ZNF592: variants seen among roughly 807,000 people sequenced by gnomAD.
The protein encoded by ZNF592 is zinc finger protein 592.
ZNF592 carries 11 observed loss-of-function variants against 80.3 expected under a neutral mutation model. The ratio of observed to expected loss-of-function variants is 0.14; its 90% CI spans 0.09 to 0.23. The LOEUF (loss-of-function observed/expected upper bound fraction) is 0.23. Ranked by LOEUF, ZNF592 falls within the 10% of genes least tolerant of loss-of-function variation. ZNF592 has a pLI of 1.00. For synonymous variants in ZNF592, 646 were observed against 640.3 expected, an observed-to-expected ratio of 1.01 and a Z score of -0.13; for missense variants, 1,420 against 1,633.9, an observed-to-expected ratio of 0.87 and a Z score of 2.26.
intron 2 of ZNF592, among the ~76,000 whole-genome samples, chr15:84,773,559 G>A (rs1317373957): frequency 1.3e-5 from 2 of 152,154 alleles, no homozygotes; most frequent in African/African-American, 2.4e-5. Context: ...TCAGAGAGGG[G>A]CCCTGTCTTG....
chr15:84,798,467 A>T lies in ZNF592; in HGVS notation c.2729A>T (p.His910Leu). 6.2e-7 allele frequency: 1 copy of T among 1,613,912 alleles called. No homozygotes were observed. The highest frequency in any genetic ancestry group is 8.5e-7 in the Non-Finnish European group (1 of 1,179,836). Residue 910 changes from histidine (H) to leucine (L), a missense_variant, in exon 7 of 11, where the codon CAC becomes CTC. Transcript: ENST00000560079. The surrounding 1 kb of genome is among the most constrained non-coding windows in gnomAD (Gnocchi z 4.5). ...GTGCAGAAGCCGGAGTTGATGCAACACGTCAAGGTGGGATGCCTTGCGGGA... is the reference window on the plus strand; with the variant it reads ...GTGCAGAAGCCGGAGTTGATGCAACTCGTCAAGGTGGGATGCCTTGCGGGA... ...LFVQKPELMQ[H>L]VKSTHGVPRN...
At chr15:84,754,232 C>G (rs1899096897) in intron 1 of ZNF592, among the ~76,000 whole-genome samples, 1 of 152,180 alleles carries the variant, frequency 6.6e-6, no homozygotes, top group Admixed American at 6.5e-5. Context: ...CTTACCTTTT[C>G]CATTTCAGAT....
At chr15:84,775,830 T>C (rs1366765990) in intron 2 of ZNF592, among the ~76,000 whole-genome samples, 1 of 152,258 alleles carries the variant, frequency 6.6e-6, no homozygotes, top group African/African-American at 2.4e-5. Flanking sequence ...ATCTAGTTGA[T>C]ATGTTTACTT....
At chr15:84,789,504 C>G (rs185213092) in intron 4 of ZNF592, among the ~76,000 whole-genome samples, 2 of 152,084 alleles carry the variant, frequency 1.3e-5, no homozygotes, top group East Asian at 1.9e-4. Context: ...TCTGAGATAC[C>G]ACTGTACTAT....
chr15:84,794,161 A>C (rs1349556688), intron 5 of ZNF592, among the ~76,000 whole-genome samples: 3 of 152,144 alleles, frequency 2.0e-5, no homozygotes, highest in Non-Finnish European at 4.4e-5. Flanking sequence ...TGATGGGTGC[A>C]GCAAACCACC....
At chr15:84,793,249 G>T (rs188585240) in intron 5 of ZNF592, among the ~76,000 whole-genome samples, 2,277 of 152,072 alleles carry the variant, frequency 0.015, 59 homozygotes, top group African/African-American at 0.051. Flanking sequence ...GCTAATTTTT[G>T]TATTTTTAGT....
chr15:84,750,075 G>A (rs1429126058), intron 1 of ZNF592, among the ~76,000 whole-genome samples: 1 of 152,264 alleles, frequency 6.6e-6, no homozygotes, highest in African/African-American at 2.4e-5. Context: ...GCCGAGGCGG[G>A]TGGATCGCCT....
chr15:84,796,337 A>G (rs945091628), intron 5 of ZNF592, among the ~76,000 whole-genome samples: 2 of 146,242 alleles, frequency 1.4e-5, no homozygotes, highest in Non-Finnish European at 3.0e-5. Flanking sequence ...TAATTCTTAA[A>G]TGAAGGCACG....
Position 84,799,983 on chromosome 15 carries a change from T to C in ZNF592, c.3273+6T>C. On this transcript the variant is annotated splice_donor_region_variant and intron_variant, in intron 10 of 10. Transcript: ENST00000560079. The surrounding 1 kb of genome is among the most constrained non-coding windows in gnomAD (Gnocchi z 4.2). ...CGGGTGGACATTCCCCTCAGGTGAG[T>C]GTGGGCTCCCTGCCTATTGGAGCTG... 3 of 1,613,844 alleles carry C rather than the reference T, an allele frequency of 1.9e-6. No homozygotes were observed. The highest frequency in any genetic ancestry group is 2.5e-6 in the Non-Finnish European group (3 of 1,179,926).
chr15:84,754,879 C>T (rs1899121175), intron 1 of ZNF592, among the ~76,000 whole-genome samples: 2 of 151,316 alleles, frequency 1.3e-5, no homozygotes, highest in African/African-American at 4.9e-5. Context: ...GGTCTCCAAT[C>T]AGTATGTGTG....
intron 4 of ZNF592, among the ~76,000 whole-genome samples, chr15:84,786,853 T>A (rs1353810677): frequency 6.9e-6 from 1 of 143,906 alleles, no homozygotes; most frequent in Admixed American, 6.9e-5. Context: ...TTTTTTTTTT[T>A]TTTTTTTTTT....
rs371488699 is a variant in ZNF592, at chr15:84,762,382, C to T, written c.-258-2325C>T. On this transcript the variant is annotated intron_variant, in intron 1 of 10. Coordinates refer to ENST00000560079, the MANE Select transcript of ZNF592 (RefSeq NM_014630.3). ...TCTCATGGATTAAATGGCCTTTGAG[C>T]GGAGGTCTGAAGGAAGTGAGAGAGG... Among the ~76,000 whole-genome samples, 16 of 152,112 alleles carry T rather than the reference C, an allele frequency of 1.1e-4. 1 individual carries two copies. The South Asian group carries it at 2.1e-3, about 20-fold the overall frequency.
rs747084813 is a variant in ZNF592 at position 84,790,835 on chromosome 15, C to T, written c.2351C>T (p.Thr784Ile). The T allele has an allele frequency of 1.2e-6, 2 of 1,614,228 alleles. No homozygotes were observed. The change falls in exon 5 of 11, where the codon ACC becomes ATC. Residue 784 changes from threonine (T) to isoleucine (I), a missense_variant. Physicochemically the swap from Thr to Ile is moderately conservative, Grantham distance 89. Transcript: ENST00000560079. ...GVLCRSAYFQTHVKENCLHYA... is the reference protein window; with the variant it reads ...GVLCRSAYFQIHVKENCLHYA... The stretch of plus-strand genomic sequence containing the variant: ...CTCTGCCGCTCTGCCTACTTCCAGA[C>T]CCATGTAAAGGAGAATTGCCTGCAC...
chr15:84,783,427 G>A lies in ZNF592; in HGVS notation c.752G>A (p.Ser251Asn). The stretch of plus-strand genomic sequence containing the variant: ...GAGTTCAACAGCCATCCTAGCAACA[G>A]TATTGGAGAGTCCAAGGGGCTTGCC... ...ALEFNSHPSN[S>N]IGESKGLARE... Residue 251 changes from serine (S) to asparagine (N), a missense_variant, in exon 4 of 11, where the codon AGT (serine) becomes AAT (asparagine). By Grantham distance (46) the Ser-to-Asn change is conservative. Around this residue, in one of 7 missense-constraint regions of ZNF592, gnomAD observed 373 missense variants for 355.5 expected, o/e 1.05. Transcript: ENST00000560079. This position sits in a 1 kb window ranked among gnomAD's most constrained non-coding sequence, Gnocchi z 5.0. 1 of 1,614,198 alleles carries A rather than the reference G, an allele frequency of 6.2e-7. No homozygotes were observed. Among genetic ancestry groups the A allele is most frequent in the Non-Finnish European group, 8.5e-7 (1 of 1,180,032 alleles).
Position 84,764,744 on chromosome 15 carries a change from GT to G in ZNF592, c.-216del. On this transcript the variant is annotated 5_prime_UTR_variant, in exon 2 of 11. An upstream open reading frame in the 5' UTR gains an earlier in-frame stop. Transcript: ENST00000560079. ...CTCTAGACCATGTGCCTAGGTAGAA[GT>G]TTTTCCTTTCTCCGCAGCTCTGCTC... 1 of 399,000 alleles carries G rather than the reference GT, an allele frequency of 2.5e-6. No homozygotes were observed. The highest frequency in any genetic ancestry group is 4.4e-6 in the Non-Finnish European group (1 of 226,070). 24.7% of individuals were successfully genotyped at this position (399,000 alleles called of 1,614,324 possible).
chr15:84,762,574 G>A (rs1899383250), intron 1 of ZNF592, among the ~76,000 whole-genome samples: 1 of 152,174 alleles, frequency 6.6e-6, no homozygotes, highest in South Asian at 2.1e-4. Flanking sequence ...GGTCTGAGCT[G>A]GGGTTAGGCA....
At chr15:84,756,667 A>C (rs1287117066) in intron 1 of ZNF592, among the ~76,000 whole-genome samples, 1 of 152,202 alleles carries the variant, frequency 6.6e-6, no homozygotes, top group East Asian at 1.9e-4. Context: ...TAACTGGCTG[A>C]GATTATAAAA....
chr15:84,757,591 C>G (rs774263342), intron 1 of ZNF592, among the ~76,000 whole-genome samples: 1 of 151,836 alleles, frequency 6.6e-6, no homozygotes, highest in Non-Finnish European at 1.5e-5. Flanking sequence ...TGGCTTGAAG[C>G]GATCCTTCCA....
intron 10 of ZNF592, among the ~76,000 whole-genome samples, chr15:84,800,988 TA>T: frequency 6.6e-6 from 1 of 152,186 alleles, no homozygotes; most frequent in African/African-American, 2.4e-5. Flanking sequence ...TGTTGTTAAG[TA>T]AAACAAAAAC....
Sources: gnomAD v4.1 joint callset for allele counts (sites outside exome capture counted in the v4.1 genomes callset) on GRCh38, gnomAD v4.1.1 for gene constraint, gnomAD v4.1.1 regional missense constraint, Gnocchi (gnomAD v3.1) non-coding constraint, MANE v1.5 for transcripts, NCBI Gene and HGNC (gene_info 2026-07-23, HGNC 2026-07-21) for gene names.